Variants in PCM1 observed in about 807,000 individuals in gnomAD.
PCM1 encodes the protein pericentriolar material 1 protein.
In PCM1, 157 loss-of-function variants were observed where a neutral mutation model predicts 241.9. That is an observed-to-expected ratio of 0.65 (90% CI 0.57 to 0.74). The LOEUF (loss-of-function observed/expected upper bound fraction) is 0.74. Ranked by LOEUF, PCM1 falls within the 30% of genes least tolerant of loss-of-function variation. The pLI, the probability that PCM1 is intolerant of heterozygous loss-of-function variation, is 0.00. For synonymous variants in PCM1, 1,085 were observed against 784.9 expected (o/e 1.38, Z -6.39); for missense variants, 3,478 against 2,360.1 (o/e 1.47, Z -9.81).
chr8:18,028,936 G>T lies in PCM1; in HGVS notation c.*1274G>T, dbSNP rs1278817124. On this transcript the variant is annotated 3_prime_UTR_variant, in exon 39 of 39. Coordinates refer to ENST00000325083, the MANE Select transcript of PCM1 (RefSeq NM_006197.4). ...GGAGGCCGAGGCGGGCAGATCACGA[G>T]GTCAAGAGATTGAGACCATCCTGCC... The T allele has an allele frequency of 5.6e-6, 1 of 180,056 alleles. No homozygotes were observed. Among genetic ancestry groups the T allele is most frequent in the Non-Finnish European group, 1.2e-5 (1 of 84,172 alleles). 11.2% of individuals were successfully genotyped at this position (180,056 alleles called of 1,614,324 possible).
Position 18,027,785 on chromosome 8 carries a change from G to T in PCM1, c.*123G>T. 1.7e-6 allele frequency: 1 copy of T among 594,806 alleles called. No homozygotes were observed. Among genetic ancestry groups the T allele is most frequent in the South Asian group, 3.6e-5 (1 of 27,814 alleles). 36.8% of individuals were successfully genotyped at this position (594,806 alleles called of 1,614,324 possible). On this transcript the variant is annotated 3_prime_UTR_variant, in exon 39 of 39. Transcript: ENST00000325083. ...TAGTTTGACACTGCTTTTTTGATAGGTGTGGTCATTTCTCCCCATGGTAGT... is the reference window on the plus strand; with the variant it reads ...TAGTTTGACACTGCTTTTTTGATAGTTGTGGTCATTTCTCCCCATGGTAGT...
At chr8:18,010,169 C>T (rs948614243) in intron 31 of PCM1, among the ~76,000 whole-genome samples, 4 of 152,144 alleles carry the variant, frequency 2.6e-5, no homozygotes, top group East Asian at 1.9e-4. Context: ...TTTGGTTTTA[C>T]CTCCCTGTAG....
At chr8:17,967,291 G>C (rs966796076) in intron 21 of PCM1, 121 bp downstream of exon 21, 1 of 647,620 alleles carries the variant, frequency 1.5e-6, no homozygotes, top group Non-Finnish European at 2.5e-6. Context: ...TGTTTGCAAA[G>C]AAAGTTACAA....
chr8:18,011,393 T>G, intron 33 of PCM1, 27 bp downstream of exon 33: 1 of 1,424,432 alleles, frequency 7.0e-7, no homozygotes, highest in Non-Finnish European at 9.3e-7. Flanking sequence ...TGTACTATCT[T>G]TATACTTTAG....
At chr8:17,973,523 A>G (rs2077565740) in intron 23 of PCM1, among the ~76,000 whole-genome samples, 1 of 152,116 alleles carries the variant, frequency 6.6e-6, no homozygotes, top group Non-Finnish European at 1.5e-5. Context: ...GTTTGAGACC[A>G]GCCTGACCAA....
At chr8:17,960,514 CT>C in intron 15 of PCM1, 70 bp downstream of exon 15, 11 of 747,890 alleles carry the variant, frequency 1.5e-5, no homozygotes, top group South Asian at 7.9e-5. Context: ...TGAAAGTACT[CT>C]TTTTTGTTTT....
intron 30 of PCM1, 67 bp from the exon 31 acceptor site, chr8:18,009,480 A>C: frequency 9.7e-7 from 1 of 1,029,032 alleles, no homozygotes; most frequent in Non-Finnish European, 1.4e-6. Flanking sequence ...TTCAGTACTT[A>C]AAAGTAATAG....
chr8:17,941,746 A>T (rs1312122839), intron 6 of PCM1, among the ~76,000 whole-genome samples: 2 of 152,012 alleles, frequency 1.3e-5, no homozygotes, highest in Non-Finnish European at 2.9e-5. Flanking sequence ...CGTTACTACA[A>T]GTCCAAAAGG....
At chr8:17,937,440 AT>A in intron 4 of PCM1, 61 bp downstream of exon 4, 1 of 1,373,226 alleles carries the variant, frequency 7.3e-7, no homozygotes, top group Non-Finnish European at 9.8e-7. Context: ...AATGGATTAA[AT>A]AATTTGTCTT....
intron 8 of PCM1, among the ~76,000 whole-genome samples, chr8:17,951,247 C>A (rs780657817): frequency 4.6e-5 from 7 of 152,082 alleles, no homozygotes; most frequent in Non-Finnish European, 5.9e-5. Context: ...AATATGGGGG[C>A]CTTGGGTAAG....
chr8:17,999,629 G>T (rs762316767), intron 29 of PCM1, among the ~76,000 whole-genome samples: 1 of 152,154 alleles, frequency 6.6e-6, no homozygotes, highest in African/African-American at 2.4e-5. Flanking sequence ...GGGGTTGGGG[G>T]AGGGGTGGCG....
In PCM1 at chr8:17,939,771, G is replaced by C; in HGVS notation, c.693G>C (p.Glu231Asp). 5 of 1,549,388 alleles carry C rather than the reference G, an allele frequency of 3.2e-6. No homozygotes were observed. Among genetic ancestry groups the C allele is most frequent in the Non-Finnish European group, 3.5e-6 (4 of 1,139,864 alleles). ...SMREDLVEKN[E>D]RSANVERLTH... The stretch of plus-strand genomic sequence containing the variant: ...GGGAAGATCTTGTAGAGAAAAATGA[G>C]AGATCTGCTAATGTTGAGCGCCTTA... Residue 231 changes from glutamate to aspartate, a missense_variant, in exon 6 of 39, where the codon GAG becomes GAC. Coordinates refer to ENST00000325083, the MANE Select transcript of PCM1 (RefSeq NM_006197.4).
In PCM1 at chr8:17,946,649, G is replaced by A. The variant is rs1034909720; in HGVS notation, c.784-537G>A. ...GTAGCTGGGATAACAGGCGCACACC[G>A]CCACACCCGGCTAATTTTTGTATTT... On this transcript the variant is annotated intron_variant, in intron 6 of 38. Transcript: ENST00000325083. Among the ~76,000 whole-genome samples, 9 of 151,906 alleles carry A rather than the reference G, an allele frequency of 5.9e-5. No homozygotes were observed. In the East Asian group the frequency reaches 1.7e-3, roughly 30 times the overall value.
intron 7 of PCM1, among the ~76,000 whole-genome samples, chr8:17,949,882 T>C (rs540567391): frequency 1.3e-5 from 2 of 152,290 alleles, no homozygotes; most frequent in African/African-American, 4.8e-5. Flanking sequence ...ATCATGAAAA[T>C]TGTTGTCACA....
At chr8:18,023,957 C>T (rs570374832) in intron 36 of PCM1, among the ~76,000 whole-genome samples, 1 of 152,166 alleles carries the variant, frequency 6.6e-6, no homozygotes, top group Non-Finnish European at 1.5e-5. Context: ...TCCATTTGGC[C>T]ACCCTCAAGC....
chr8:18,019,175 C>G (rs1564431583), intron 36 of PCM1, among the ~76,000 whole-genome samples: 1 of 152,160 alleles, frequency 6.6e-6, no homozygotes, highest in East Asian at 1.9e-4. Flanking sequence ...CGCTGAAGCT[C>G]TATCTTGTTT....
rs11333913 is a variant in PCM1, at chr8:18,029,156, CAAA to C, written c.*1518_*1520del. Reference sequence around the variant, plus strand: ...CTGGCAACAGAGCGAGACTCTGTCTCAAAAAAAAAAAAAAAAAAAAAAAAAAGT... The same window carrying C: ...CTGGCAACAGAGCGAGACTCTGTCTCAAAAAAAAAAAAAAAAAAAAAAAGT... On this transcript the variant is annotated 3_prime_UTR_variant, in exon 39 of 39. Coordinates refer to ENST00000325083, the MANE Select transcript of PCM1 (RefSeq NM_006197.4). The C allele has an allele frequency of 4.0e-3, 227 of 56,324 alleles. No homozygotes were observed. Among genetic ancestry groups the C allele is most frequent in the East Asian group, 0.033 (105 of 3,214 alleles). 3.5% of individuals were successfully genotyped at this position (56,324 alleles called of 1,614,324 possible).
rs2069226766 is a variant in PCM1, at chr8:17,957,670, G to A, written c.1935G>A (p.Leu645=). Residue 645 remains leucine (L), a synonymous_variant, in exon 13 of 39, where the codon CTG becomes CTA. Transcript: ENST00000325083. ...GASLSSHRSS[L]VDEHPEDAEF... Reference sequence around the variant, plus strand: ...CATTATCTAGTCACAGGAGCAGTCTGGTTGATGAGCATCCAGAAGATGCTG... The same window carrying A: ...CATTATCTAGTCACAGGAGCAGTCTAGTTGATGAGCATCCAGAAGATGCTG... The A allele has an allele frequency of 6.2e-7, 1 of 1,608,502 alleles. No individual in the cohort carries two copies. Among genetic ancestry groups the A allele is most frequent in the African/African-American group, 1.3e-5 (1 of 74,788 alleles).
intron 23 of PCM1, among the ~76,000 whole-genome samples, chr8:17,979,276 C>T (rs1433453041): frequency 1.3e-5 from 2 of 152,068 alleles, no homozygotes; most frequent in African/African-American, 4.8e-5. Context: ...TCATTATTTA[C>T]CATTATTTGG....
Sources: gnomAD v4.1 joint callset for allele counts (sites outside exome capture counted in the v4.1 genomes callset) on GRCh38, gnomAD v4.1.1 for gene constraint, MANE v1.5 for transcripts, NCBI Gene and HGNC (gene_info 2026-07-23, HGNC 2026-07-21) for gene names.